NTM: variants seen among roughly 807,000 people sequenced by gnomAD.
NTM encodes the protein neurotrimin.
In NTM, 13 loss-of-function variants were observed where a neutral mutation model predicts 42.1. The ratio of observed to expected loss-of-function variants is 0.31; its 90% confidence interval spans 0.20 to 0.49. NTM has a LOEUF of 0.49. NTM is among the 20% of genes least tolerant of loss of function. The pLI, the probability that NTM is intolerant of heterozygous loss-of-function variation, is 0.99. For missense variants in NTM, 373 were observed against 452.8 expected (o/e 0.82, Z 1.60); for synonymous variants, 187 against 179.2 (o/e 1.04, Z -0.35).
intron 1 of NTM, chr11:131,767,201 T>C: frequency 2.9e-6 from 2 of 692,240 alleles, no homozygotes; most frequent in Non-Finnish European, 3.6e-6. Flanking sequence ...ATATGGTTTC[T>C]TCAAATCCAA....
In NTM at chr11:131,808,383, T is replaced by A. The variant is rs181806477; in HGVS notation, c.83-103181T>A. Among the ~76,000 whole-genome samples, 15 of 152,310 alleles carry A rather than the reference T, an allele frequency of 9.8e-5. No individual in the cohort carries two copies. In the East Asian group the frequency reaches 2.9e-3, roughly 29 times the overall value. On this transcript the variant is annotated intron_variant, in intron 1 of 8. Coordinates refer to ENST00000683400, the MANE Select transcript of NTM (RefSeq NM_001352005.2). ...GGATTCATTTTCCTTCATTAAAACA[T>A]CATTAGTGAAAAATATCCTTCCAGC...
At chr11:131,560,855 G>A (rs1357197183) in intron 1 of NTM, among the ~76,000 whole-genome samples, 2 of 152,090 alleles carry the variant, frequency 1.3e-5, no homozygotes, top group Non-Finnish European at 1.5e-5. Flanking sequence ...AAGTTGAAAG[G>A]AAGGCCCTTT....
At chr11:132,272,705 T>C (rs993824618) in intron 4 of NTM, among the ~76,000 whole-genome samples, 1 of 152,154 alleles carries the variant, frequency 6.6e-6, no homozygotes, top group African/African-American at 2.4e-5. Flanking sequence ...ATACAATTGA[T>C]TTTTGCATAT....
chr11:131,904,567 T>C (rs2053596383), intron 1 of NTM, among the ~76,000 whole-genome samples: 1 of 152,190 alleles, frequency 6.6e-6, no homozygotes, highest in East Asian at 1.9e-4. Flanking sequence ...GATGGAGACC[T>C]GAGCGTGTTG....
At chr11:131,495,409 A>T (rs2136321520) in intron 1 of NTM, among the ~76,000 whole-genome samples, 1 of 152,308 alleles carries the variant, frequency 6.6e-6, no homozygotes, top group East Asian at 1.9e-4. Context: ...AATCATGCTG[A>T]TTGGGAGCTG....
intron 1 of NTM, among the ~76,000 whole-genome samples, chr11:131,474,376 TCTC>T (rs1335598774): frequency 1.3e-5 from 2 of 152,006 alleles, no homozygotes; most frequent in Non-Finnish European, 2.9e-5. Flanking sequence ...CTCTACATCT[TCTC>T]CTTGGCAATT....
In NTM at chr11:131,397,199, C is replaced by T. The variant is rs181430237; in HGVS notation, c.82+26311C>T. ...TTAATTCATTTTTGACTCACTGTCTCATTTTTCTAGGCATAATCCATCTTC... is the reference window on the plus strand; with the variant it reads ...TTAATTCATTTTTGACTCACTGTCTTATTTTTCTAGGCATAATCCATCTTC... On this transcript the variant is annotated intron_variant, in intron 1 of 8. Transcript: ENST00000683400. Among the ~76,000 whole-genome samples the T allele has an allele frequency of 2.6e-3, 398 of 152,292 alleles. 4 individuals are homozygous for T. Among genetic ancestry groups the T allele is most frequent in the African/African-American group, 8.1e-3 (335 of 41,572 alleles).
chr11:131,821,283 C>G (rs931523229), intron 1 of NTM, among the ~76,000 whole-genome samples: 13 of 152,194 alleles, frequency 8.5e-5, no homozygotes, highest in African/African-American at 3.1e-4. Context: ...ACTTTGTTTT[C>G]CATCCTTGAG....
At chr11:132,276,560 C>A (rs1198998161) in intron 4 of NTM, among the ~76,000 whole-genome samples, 3 of 152,180 alleles carry the variant, frequency 2.0e-5, no homozygotes, top group African/African-American at 7.2e-5. Context: ...GTGGTTCATG[C>A]TGACACCTGC....
chr11:131,957,817 CAG>C (rs2061710585), intron 2 of NTM, among the ~76,000 whole-genome samples: 1 of 150,298 alleles, frequency 6.7e-6, no homozygotes, highest in Non-Finnish European at 1.5e-5. Flanking sequence ...CGTTTAGAGT[CAG>C]GGAATTTTTC....
At chr11:131,754,907 C>T (rs956145850) in intron 1 of NTM, among the ~76,000 whole-genome samples, 5 of 152,124 alleles carry the variant, frequency 3.3e-5, no homozygotes, top group African/African-American at 9.7e-5. Flanking sequence ...CACACCATCA[C>T]GATGAGAGGA....
At chr11:131,663,859 C>A (rs1053740828) in intron 1 of NTM, among the ~76,000 whole-genome samples, 7 of 152,168 alleles carry the variant, frequency 4.6e-5, no homozygotes, top group African/African-American at 1.7e-4. Flanking sequence ...TCATCCTCTT[C>A]TTACAAACAA....
chr11:131,653,671 G>A (rs1265715133), intron 1 of NTM, among the ~76,000 whole-genome samples: 1 of 152,212 alleles, frequency 6.6e-6, no homozygotes, highest in Non-Finnish European at 1.5e-5. Context: ...AGCTGAGAGT[G>A]TAGGGCACCC....
intron 1 of NTM, among the ~76,000 whole-genome samples, chr11:131,807,851 C>T (rs553491296): frequency 2.4e-4 from 37 of 152,256 alleles, no homozygotes; most frequent in African/African-American, 5.3e-4. Context: ...ATAACGACTA[C>T]GACTGGAGTC....
At chr11:131,763,810 G>A (rs1225621899) in intron 1 of NTM, among the ~76,000 whole-genome samples, 1 of 145,358 alleles carries the variant, frequency 6.9e-6, no homozygotes, top group Non-Finnish European at 1.5e-5. Flanking sequence ...TGTAGTTCCA[G>A]GATAATTTAT....
At chr11:131,552,742 C>T (rs527617170) in intron 1 of NTM, among the ~76,000 whole-genome samples, 3 of 147,492 alleles carry the variant, frequency 2.0e-5, no homozygotes, top group South Asian at 4.4e-4. Flanking sequence ...GGTGTGAACC[C>T]GGGAGGCGGA....
At chr11:132,045,336 G>A (rs1023758450) in intron 2 of NTM, among the ~76,000 whole-genome samples, 1 of 152,158 alleles carries the variant, frequency 6.6e-6, no homozygotes, top group Non-Finnish European at 1.5e-5. Context: ...AGAGGTCAGA[G>A]GAATGAGGGG....
At chr11:131,570,593 C>T (rs574992423) in intron 1 of NTM, among the ~76,000 whole-genome samples, 1 of 152,160 alleles carries the variant, frequency 6.6e-6, no homozygotes, top group African/African-American at 2.4e-5. Flanking sequence ...GGGAGTCTGA[C>T]GTGGGTGGAT....
At chr11:131,461,425 C>T (rs1046358142) in intron 1 of NTM, among the ~76,000 whole-genome samples, 2 of 152,050 alleles carry the variant, frequency 1.3e-5, no homozygotes, top group African/African-American at 4.8e-5. Context: ...TAAAAGACAG[C>T]TAAAGAAAAG....
Sources: allele counts gnomAD v4.1 joint callset (sites outside exome capture counted in the v4.1 genomes callset), GRCh38; gene constraint gnomAD v4.1.1; transcripts MANE v1.5; gene names NCBI Gene and HGNC (gene_info 2026-07-23, HGNC 2026-07-21).